The following ABHD10 variants were observed in gnomAD, a reference collection of about 807,000 sequenced individuals.
The protein encoded by ABHD10 is abhydrolase domain containing 10, depalmitoylase.
Under a neutral mutation model 33.1 loss-of-function variants are expected in ABHD10, and 22 were observed. That is an observed-to-expected ratio of 0.66 (90% confidence interval 0.47 to 0.95). The LOEUF is 0.95. Ranked by LOEUF, ABHD10 falls within the 40% of genes least tolerant of loss-of-function variation. The pLI, the probability that ABHD10 is intolerant of heterozygous loss-of-function variation, is 0.00. For synonymous variants in ABHD10, 146 were observed against 133.9 expected, an observed-to-expected ratio of 1.09 and a Z score of -0.62; for missense variants, 352 against 379.9, an observed-to-expected ratio of 0.93 and a Z score of 0.61.
intron 4 of ABHD10, among the ~76,000 whole-genome samples, chr3:111,988,925 A>C (rs76909241): frequency 0.033 from 5,055 of 152,314 alleles, 159 homozygotes; most frequent in South Asian, 0.15. Flanking sequence ...TGTTCACATC[A>C]GTCAGAGTGA....
intron 4 of ABHD10, among the ~76,000 whole-genome samples, chr3:111,989,230 CTT>C (rs1182087531): frequency 6.6e-6 from 1 of 152,220 alleles, no homozygotes; most frequent in Non-Finnish European, 1.5e-5. Flanking sequence ...TGACCATCCT[CTT>C]TAACTGACTC....
In ABHD10 at chr3:111,986,671, G is replaced by A. The variant is rs549145727; in HGVS notation, c.439-243G>A. Among the ~76,000 whole-genome samples the A allele has an allele frequency of 2.6e-5, 4 of 152,250 alleles. No individual in the cohort carries two copies. In the East Asian group the frequency reaches 5.8e-4, roughly 22 times the overall value. On this transcript the variant is annotated intron_variant, in intron 3 of 4. Coordinates refer to ENST00000273359, the MANE Select transcript of ABHD10 (RefSeq NM_018394.4). ...AGGATGGTCTCGATCTCCTGACCTCGTGATCCGCCCGCCTGGGCCTCCCAA... is the reference window on the plus strand; with the variant it reads ...AGGATGGTCTCGATCTCCTGACCTCATGATCCGCCCGCCTGGGCCTCCCAA...
chr3:111,983,862 AG>A (rs2072618875), intron 2 of ABHD10, among the ~76,000 whole-genome samples: 1 of 152,196 alleles, frequency 6.6e-6, no homozygotes, highest in South Asian at 2.1e-4. Flanking sequence ...CAGACTATTG[AG>A]GCTGCTAAGA....
rs2107709269 is a variant in ABHD10, at chr3:111,981,681, A to G, written c.143-103A>G. ...TTTCTATTAAATGGAAATAGTATTTAACATCAATTCATTGAGATAAGAAAG... is the reference window on the plus strand; with the variant it reads ...TTTCTATTAAATGGAAATAGTATTTGACATCAATTCATTGAGATAAGAAAG... On this transcript the variant is annotated intron_variant, in intron 1 of 4. Transcript: ENST00000273359. The G allele has an allele frequency of 4.8e-6, 5 of 1,043,876 alleles. No homozygotes were observed. The East Asian group carries it at 1.2e-4, about 25-fold the overall frequency. The allele number at this position is 1,043,876 out of a possible 1,614,324, so 64.7% of individuals were successfully genotyped here. A position where few individuals can be genotyped will look rare whatever the true frequency, so the allele number is the denominator to read the frequency against.
In ABHD10 at chr3:111,984,345, C is replaced by T. The variant is rs371891364; in HGVS notation, c.327-1919C>T. Among the ~76,000 whole-genome samples the T allele has an allele frequency of 4.9e-4, 75 of 152,240 alleles. 1 individual carries two copies. Among genetic ancestry groups the T allele is most frequent in the African/African-American group, 1.5e-3 (61 of 41,550 alleles). ...ATAAATCCCTTACTTACTGTACCAGCCATTCCACCAAAAAGGTTCATTTGA... is the reference window on the plus strand; with the variant it reads ...ATAAATCCCTTACTTACTGTACCAGTCATTCCACCAAAAAGGTTCATTTGA... On this transcript the variant is annotated intron_variant, in intron 2 of 4. Transcript: ENST00000273359.
At position 111,986,978 on chromosome 3, in the gene ABHD10, A is replaced by G; in HGVS notation, c.503A>G (p.Lys168Arg). Residue 168 changes from lysine (K) to arginine (R), a missense_variant, in exon 4 of 5, where the codon AAG (lysine) becomes AGG (arginine). Physicochemically the swap from Lys to Arg is conservative, Grantham distance 26 (BLOSUM62 2). Transcript: ENST00000273359. Reference sequence around the variant, plus strand: ...CATGCTGCAATTGCACGACCAGAGAAGGTCGTGGCTCTTATTGGTGTAGCT... The same window carrying G: ...CATGCTGCAATTGCACGACCAGAGAGGGTCGTGGCTCTTATTGGTGTAGCT... ...MLHAAIARPE[K>R]VVALIGVATA... 2 of 1,612,548 alleles carry G rather than the reference A, an allele frequency of 1.2e-6. No homozygotes were observed. Among genetic ancestry groups the G allele is most frequent in the Non-Finnish European group, 1.7e-6 (2 of 1,179,148 alleles).
intron 2 of ABHD10, among the ~76,000 whole-genome samples, chr3:111,985,321 A>G (rs184799088): frequency 6.6e-6 from 1 of 152,278 alleles, no homozygotes; most frequent in African/African-American, 2.4e-5. Context: ...AGGAGAGGTA[A>G]AATTCATAGA....
In ABHD10 at chr3:111,987,074, C is replaced by T. The variant is rs751547650; in HGVS notation, c.576+23C>T. 18 of 1,609,552 alleles carry T rather than the reference C, an allele frequency of 1.1e-5. No homozygotes were observed. In the South Asian group the frequency reaches 2.0e-4, roughly 18 times the overall value. On this transcript the variant is annotated intron_variant, in intron 4 of 4. Coordinates refer to ENST00000273359, the MANE Select transcript of ABHD10 (RefSeq NM_018394.4). ...GAGGTAAGTCAAAAGTCACTTTTGC[C>T]ACCTCAATATATTTACCGCTTATAC...
rs1310124123 is a variant in ABHD10 at position 111,981,679 on chromosome 3, T to G, written c.143-105T>G. 3.9e-6 allele frequency: 4 copies of G among 1,036,772 alleles called. No individual in the cohort carries two copies. The East Asian group carries it at 9.7e-5, about 25-fold the overall frequency. 64.2% of individuals were successfully genotyped at this position (1,036,772 alleles called of 1,614,324 possible). Reference sequence around the variant, plus strand: ...TTTTTCTATTAAATGGAAATAGTATTTAACATCAATTCATTGAGATAAGAA... The same window carrying G: ...TTTTTCTATTAAATGGAAATAGTATGTAACATCAATTCATTGAGATAAGAA... On this transcript the variant is annotated intron_variant, in intron 1 of 4. Coordinates refer to ENST00000273359, the MANE Select transcript of ABHD10 (RefSeq NM_018394.4).
In ABHD10 at chr3:111,987,049, G is replaced by T; in HGVS notation, c.574G>T (p.Glu192Ter). The change falls in exon 4 of 5, where the codon GAG (glutamate) becomes TAG (stop). Residue 192 changes from glutamate (E) to a stop codon, truncating the protein, a stop_gained and splice_region_variant. Transcript: ENST00000273359. LOFTEE classifies it high-confidence loss of function. ...GACAAAGTTTAATCAGCTTCCTGTT[G>T]AGGTAAGTCAAAAGTCACTTTTGCC... The part of the protein sequence containing the change: ...LVTKFNQLPV[E>*]LKKEVEMKGV... 6.2e-7 allele frequency: 1 copy of T among 1,611,714 alleles called. No homozygotes were observed. Among genetic ancestry groups the T allele is most frequent in the South Asian group, 1.1e-5 (1 of 90,586 alleles).
intron 1 of ABHD10, among the ~76,000 whole-genome samples, chr3:111,980,480 T>C (rs576068185): frequency 7.2e-5 from 11 of 152,148 alleles, no homozygotes; most frequent in Non-Finnish European, 1.5e-4. Context: ...CGGCTTCATT[T>C]AATATAAAAA....
At chr3:111,986,449 T>TTTG (rs2072663029) in intron 3 of ABHD10, 74 bp downstream of exon 3, 4 of 1,235,234 alleles carry the variant, frequency 3.2e-6, no homozygotes, top group Non-Finnish European at 4.6e-6. Context: ...TTTGTTTTGT[T>TTTG]TTTTGAGATG....
intron 2 of ABHD10, among the ~76,000 whole-genome samples, chr3:111,983,056 A>G (rs1453577833): frequency 6.6e-6 from 1 of 152,176 alleles, no homozygotes; most frequent in African/African-American, 2.4e-5. Flanking sequence ...ATTATAAAAC[A>G]TTGTACTTGC....
chr3:111,979,268 G>A (rs2072545544), intron 1 of ABHD10, 65 bp downstream of exon 1: 1 of 1,513,192 alleles, frequency 6.6e-7, no homozygotes, highest in African/African-American at 1.4e-5. Flanking sequence ...GTCAGTTACC[G>A]TGCCTGTGCA....
chr3:111,991,107 A>G lies in ABHD10; in HGVS notation c.577-270A>G, dbSNP rs1559938346. Among the ~76,000 whole-genome samples, 5 of 152,330 alleles carry G rather than the reference A, an allele frequency of 3.3e-5. No individual in the cohort carries two copies. In the South Asian group the frequency reaches 8.3e-4, roughly 25 times the overall value. Reference sequence around the variant, plus strand: ...GTAGCCTAGCCCTGAACTGTTGCACACAGTATTTCATTTATCTAAACCATA... The same window carrying G: ...GTAGCCTAGCCCTGAACTGTTGCACGCAGTATTTCATTTATCTAAACCATA... On this transcript the variant is annotated intron_variant, in intron 4 of 4. Coordinates refer to ENST00000273359, the MANE Select transcript of ABHD10 (RefSeq NM_018394.4).
At chr3:111,982,027 C>T in intron 2 of ABHD10, 60 bp downstream of exon 2, 2 of 1,283,592 alleles carry the variant, frequency 1.6e-6, no homozygotes, top group Non-Finnish European at 2.1e-6. Flanking sequence ...TGGAGAATTA[C>T]TTCTGTTCTA....
intron 2 of ABHD10, 35 bp from the exon 3 acceptor site, chr3:111,986,229 A>G (rs373925634): frequency 1.7e-6 from 2 of 1,175,674 alleles, no homozygotes; most frequent in African/African-American, 1.5e-5. Flanking sequence ...AGATATATAG[A>G]TATTTAGATA....
At chr3:111,982,027 C>A in intron 2 of ABHD10, 60 bp downstream of exon 2, 1 of 1,283,590 alleles carries the variant, frequency 7.8e-7, no homozygotes, top group Non-Finnish European at 1.0e-6. Context: ...TGGAGAATTA[C>A]TTCTGTTCTA....
chr3:111,985,262 G>A (rs1391583277), intron 2 of ABHD10, among the ~76,000 whole-genome samples: 1 of 152,052 alleles, frequency 6.6e-6, no homozygotes, highest in Admixed American at 6.5e-5. Flanking sequence ...CTGTGGGTGT[G>A]GTATGATACT....
Sources: allele counts gnomAD v4.1 joint callset (sites outside exome capture counted in the v4.1 genomes callset), GRCh38; gene constraint gnomAD v4.1.1; transcripts MANE v1.5; gene names NCBI Gene and HGNC (gene_info 2026-07-23, HGNC 2026-07-21).